The following DRC9 variants were observed in gnomAD, a reference collection of about 807,000 sequenced individuals.
The protein encoded by DRC9 is dynein regulatory complex subunit 9.
the DRC9 span, chr3:197,912,680 G>C: frequency 6.2e-7 from 1 of 1,612,914 alleles, no homozygotes; most frequent in Non-Finnish European, 8.5e-7. Flanking sequence ...CCCACCTGCT[G>C]CTCCTTTCTA....
At chr3:197,896,750 C>G in the DRC9 span, among the ~76,000 whole-genome samples, 1 of 152,126 alleles carries the variant, frequency 6.6e-6, no homozygotes, top group Non-Finnish European at 1.5e-5. Context: ...TCTGAGGTCT[C>G]TTTTTTAAGG....
chr3:197,951,409 A>G, the DRC9 span: 1 of 1,336,404 alleles, frequency 7.5e-7, no homozygotes, highest in Admixed American at 1.7e-5. Context: ...GCTGGAATGC[A>G]GTGACTTGGT....
chr3:197,951,415 T>C, the DRC9 span: 1 of 1,274,828 alleles, frequency 7.8e-7, no homozygotes, highest in Admixed American at 1.7e-5. Flanking sequence ...ATGCAGTGAC[T>C]TGGTCTCCCT....
the DRC9 span, among the ~76,000 whole-genome samples, chr3:197,921,586 A>C: frequency 3.2e-4 from 48 of 152,214 alleles, no homozygotes; most frequent in Non-Finnish European, 6.5e-4. Flanking sequence ...ACTAGTTTTC[A>C]GTAACTCTGC....
chr3:197,912,866 C>A, the DRC9 span: 1 of 818,564 alleles, frequency 1.2e-6, no homozygotes, highest in Non-Finnish European at 2.1e-6. Flanking sequence ...GCTGGGATCC[C>A]GGGCTTTCAG....
chr3:197,951,554 T>C, the DRC9 span: 3 of 477,308 alleles, frequency 6.3e-6, no homozygotes, highest in Admixed American at 3.3e-5. Context: ...GGTATTGCCA[T>C]GTTGGCCAGG....
At chr3:197,926,976 A>T in the DRC9 span, among the ~76,000 whole-genome samples, 164 of 152,264 alleles carry the variant, frequency 1.1e-3, no homozygotes, top group African/African-American at 3.8e-3. Context: ...CAAACAGTAA[A>T]TGGCAGAAAG....
chr3:197,912,844 C>T, the DRC9 span: 3 of 948,566 alleles, frequency 3.2e-6, no homozygotes, highest in African/African-American at 1.6e-5. Flanking sequence ...GTAGCTGAGG[C>T]TCCCTTTACC....
At chr3:197,940,967 C>T in the DRC9 span, among the ~76,000 whole-genome samples, 741 of 151,694 alleles carry the variant, frequency 4.9e-3, 32 homozygotes, top group Admixed American at 0.047. Context: ...AAGTTTCATT[C>T]ATTTACTGGA....
the DRC9 span, among the ~76,000 whole-genome samples, chr3:197,936,068 G>A: frequency 6.6e-6 from 1 of 151,982 alleles, no homozygotes; most frequent in South Asian, 2.1e-4. Context: ...GGAGGCTGAA[G>A]CAGGAGAATC....
the DRC9 span, among the ~76,000 whole-genome samples, chr3:197,927,296 G>A: frequency 2.0e-5 from 3 of 152,152 alleles, no homozygotes; most frequent in Non-Finnish European, 4.4e-5. Context: ...GCACGATCTC[G>A]ACTCATTGCA....
At chr3:197,952,449 G>GT in the DRC9 span, 1 of 151,550 alleles carries the variant, frequency 6.6e-6, no homozygotes, top group South Asian at 2.1e-4. Context: ...ATTACAGGCA[G>GT]GAGCCACGGT....
At chr3:197,913,691 C>A in the DRC9 span, 7 of 682,358 alleles carry the variant, frequency 1.0e-5, no homozygotes, top group Non-Finnish European at 1.3e-5. Flanking sequence ...AGGCTACAGC[C>A]CACTGGAATC....
At chr3:197,947,696 A>G in the DRC9 span, among the ~76,000 whole-genome samples, 2 of 152,194 alleles carry the variant, frequency 1.3e-5, no homozygotes, top group African/African-American at 2.4e-5. Context: ...CGTATGGAGT[A>G]TATCCAGGGG....
chr3:197,933,036 T>TATAATAATG, the DRC9 span, among the ~76,000 whole-genome samples: 1 of 140,774 alleles, frequency 7.1e-6, no homozygotes. Context: ...ATATTATATA[T>TATAATAATG]TATACATATA....
the DRC9 span, chr3:197,913,337 C>CGTGCGTGCGTGCGTGCGTGT: frequency 4.9e-6 from 1 of 205,674 alleles, no homozygotes; most frequent in Non-Finnish European, 9.4e-6. Flanking sequence ...TGCGTGCGTG[C>CGTGCGTGCGTGCGTGCGTGT]GTGCGTGCGT....
At chr3:197,924,941 T>C in the DRC9 span, among the ~76,000 whole-genome samples, 1 of 152,222 alleles carries the variant, frequency 6.6e-6, no homozygotes, top group Non-Finnish European at 1.5e-5. Context: ...AAACTTGGGA[T>C]GCATTTTCTT....
the DRC9 span, among the ~76,000 whole-genome samples, chr3:197,908,139 C>A: frequency 6.6e-6 from 1 of 150,538 alleles, no homozygotes; most frequent in Admixed American, 6.6e-5. Flanking sequence ...GGCATCCTCC[C>A]AGATGAAGTT....
chr3:197,920,063 G>C, the DRC9 span, among the ~76,000 whole-genome samples: 2 of 150,616 alleles, frequency 1.3e-5, no homozygotes, highest in East Asian at 3.9e-4. Context: ...ACAAAAATTA[G>C]CCAAGTGTGG....
Sources: gnomAD v4.1 joint callset for allele counts (sites outside exome capture counted in the v4.1 genomes callset) on GRCh38, gnomAD v4.1.1 for gene constraint, MANE v1.5 for transcripts, NCBI Gene and HGNC (gene_info 2026-07-23, HGNC 2026-07-21) for gene names.